Variants in AHI1 observed in about 807,000 individuals in gnomAD.
AHI1 encodes the protein jouberin.
A neutral mutation model predicts 149.3 loss-of-function variants in AHI1; 123 were observed. The observed-to-expected ratio is 0.82, with a 90% CI of 0.71 to 0.96. AHI1 has a LOEUF of 0.96. AHI1 is among the 40% of genes least tolerant of loss of function. The probability of loss-of-function intolerance (pLI) is 0.00; values close to 1 mark genes in which losing one functional copy is unlikely to be tolerated. For missense variants in AHI1, 1,439 were observed against 1,422.7 expected (o/e 1.01, Z -0.18); for synonymous variants, 475 against 459.8 (o/e 1.03, Z -0.42).
chr6:135,477,110 G>A lies in AHI1; in HGVS notation c.136-9476C>T, dbSNP rs1272440581. On this transcript the variant is annotated intron_variant, in intron 5 of 28. Coordinates refer to ENST00000265602, the MANE Select transcript of AHI1 (RefSeq NM_001134831.2). Reference sequence around the variant, plus strand: ...GGCTGGAGTGCAGTGGTGTGATCTCGGCTCACTGCAAGCTCCACCTCCCGG... The same window carrying A: ...GGCTGGAGTGCAGTGGTGTGATCTCAGCTCACTGCAAGCTCCACCTCCCGG... 4.0e-5 allele frequency among the ~76,000 whole-genome samples: 6 copies of A among 148,470 alleles called. 1 individual carries two copies. Among genetic ancestry groups the A allele is most frequent in the Non-Finnish European group, 8.9e-5 (6 of 67,166 alleles).
rs1481234264 is a variant in AHI1 at position 135,463,205 on chromosome 6, G to A, written c.851C>T (p.Ser284Leu). Residue 284 changes from serine to leucine, a missense_variant, in exon 8 of 29, where the codon TCA (serine) becomes TTA (leucine). Physicochemically the swap from Ser to Leu is moderately radical, Grantham distance 145 (BLOSUM62 -2). Coordinates refer to ENST00000265602, the MANE Select transcript of AHI1 (RefSeq NM_001134831.2). ...SDSHQDDEIS[S>L]MEQSTEDSMQ... ...GCTGTCTTCTGTGCTTTGTTCCATT[G>A]AGCTTATTTCATCATCTTGATGAGA... The A allele has an allele frequency of 6.2e-7, 1 of 1,608,130 alleles. No homozygotes were observed. Among genetic ancestry groups the A allele is most frequent in the Admixed American group, 1.7e-5 (1 of 59,508 alleles).
chr6:135,293,406 G>GAAAAAAAAAAAAA (rs71547029), intron 27 of AHI1, among the ~76,000 whole-genome samples: 55 of 65,556 alleles, frequency 8.4e-4, no homozygotes, highest in Middle Eastern at 8.2e-3. Flanking sequence ...AAAAAAAAAA[G>GAAAAAAAAAAAAA]AAAAAAAAAA....
chr6:135,488,725 C>T (rs867044461), intron 5 of AHI1, among the ~76,000 whole-genome samples: 1 of 152,228 alleles, frequency 6.6e-6, no homozygotes, highest in South Asian at 2.1e-4. Flanking sequence ...TTTTTCCTCG[C>T]TTAATTTTAT....
intron 25 of AHI1, among the ~76,000 whole-genome samples, chr6:135,319,289 A>G (rs546101104): frequency 1.3e-5 from 2 of 152,326 alleles, no homozygotes; most frequent in South Asian, 4.1e-4. Flanking sequence ...CAGCCTGGCC[A>G]ACATGGTGAA....
chr6:135,418,050 ACT>A (rs1206323176), intron 20 of AHI1, among the ~76,000 whole-genome samples: 1 of 151,906 alleles, frequency 6.6e-6, no homozygotes, highest in Admixed American at 6.6e-5. Context: ...TTTTGTCATT[ACT>A]TTTTGTGTTA....
chr6:135,460,291 T>C (rs1201746317), intron 8 of AHI1, among the ~76,000 whole-genome samples: 2 of 152,078 alleles, frequency 1.3e-5, no homozygotes, highest in South Asian at 2.1e-4. Context: ...CAGCAACAAA[T>C]ACAAAACAAA....
intron 25 of AHI1, among the ~76,000 whole-genome samples, chr6:135,321,000 A>G (rs1235856690): frequency 6.6e-6 from 1 of 152,230 alleles, no homozygotes; most frequent in Non-Finnish European, 1.5e-5. Flanking sequence ...CTACATGGGA[A>G]TTAACTTGCC....
In AHI1 at chr6:135,457,639, T is replaced by C; in HGVS notation, c.1006A>G (p.Lys336Glu). The C allele has an allele frequency of 6.2e-7, 1 of 1,613,992 alleles. No homozygotes were observed. The highest frequency in any genetic ancestry group is 8.5e-7 in the Non-Finnish European group (1 of 1,179,874). Residue 336 changes from lysine (K) to glutamate (E), a missense_variant, in exon 9 of 29, where the codon AAA (lysine) becomes GAA (glutamate). Coordinates refer to ENST00000265602, the MANE Select transcript of AHI1 (RefSeq NM_001134831.2). ...ACAAGGTCATCATCAAGCAAACATT[T>C]GGGATAAACCGGGCTATCTCGGCTT... is the stretch of plus-strand genomic sequence containing the variant. ...ITSRDSPVYP[K>E]CLLDDDLVLG...
intron 27 of AHI1, among the ~76,000 whole-genome samples, chr6:135,294,431 C>A (rs1374591647): frequency 6.6e-6 from 1 of 151,960 alleles, no homozygotes; most frequent in Admixed American, 6.5e-5. Context: ...ACTGCTTGAA[C>A]CCTGGAGGCA....
intron 13 of AHI1, 83 bp downstream of exon 13, chr6:135,446,905 TAGCAAGCATTTTAAGTAGTA>T (rs1787324546): frequency 1.6e-6 from 2 of 1,245,170 alleles, no homozygotes; most frequent in South Asian, 3.9e-5. Context: ...CAAGGATAAA[TAGCAAGCATTTTAAGTAGTA>T]AGCTAGATAT....
intron 5 of AHI1, among the ~76,000 whole-genome samples, chr6:135,468,424 C>T (rs1791150554): frequency 6.6e-6 from 1 of 152,086 alleles, no homozygotes; most frequent in East Asian, 1.9e-4. Flanking sequence ...ATCAATGAGG[C>T]TGGGCATGGT....
chr6:135,352,995 G>T (rs76245653), intron 24 of AHI1, among the ~76,000 whole-genome samples: 12,154 of 151,198 alleles, frequency 0.08, 1,561 homozygotes, highest in African/African-American at 0.27. Flanking sequence ...AGTTTTTCAG[G>T]TAGAAAAATT....
chr6:135,449,579 G>A (rs2128061940), intron 11 of AHI1, among the ~76,000 whole-genome samples: 1 of 152,214 alleles, frequency 6.6e-6, no homozygotes, highest in East Asian at 1.9e-4. Context: ...TTTAACAACT[G>A]TTACTTGTAG....
rs1794518256 is a variant in AHI1 at position 135,364,252 on chromosome 6, CG to C, written c.3110-6066del. ...GCAGAGACGCTCCTCACATCCTGGACGGGGCGGCAGGGCAGAGGTGCTCCCC... is the reference window on the plus strand; with the variant it reads ...GCAGAGACGCTCCTCACATCCTGGACGGGCGGCAGGGCAGAGGTGCTCCCC... On this transcript the variant is annotated intron_variant, in intron 23 of 28. Coordinates refer to ENST00000265602, the MANE Select transcript of AHI1 (RefSeq NM_001134831.2). Among the ~76,000 whole-genome samples, 3 of 150,578 alleles carry C rather than the reference CG, an allele frequency of 2.0e-5. 1 individual carries two copies. The highest frequency in any genetic ancestry group is 4.4e-5 in the Non-Finnish European group (3 of 67,664).
intron 5 of AHI1, among the ~76,000 whole-genome samples, chr6:135,473,607 C>T (rs540207601): frequency 8.1e-4 from 124 of 152,186 alleles, no homozygotes; most frequent in Non-Finnish European, 1.5e-3. Flanking sequence ...TGTCAGAGAA[C>T]GGACATTTGA....
At chr6:135,487,084 A>G (rs1297972665) in intron 5 of AHI1, among the ~76,000 whole-genome samples, 4 of 152,116 alleles carry the variant, frequency 2.6e-5, no homozygotes, top group Non-Finnish European at 5.9e-5. Context: ...TTAAAAGTCT[A>G]TTTTTGAACC....
At chr6:135,314,479 T>C (rs1282952314) in intron 26 of AHI1, among the ~76,000 whole-genome samples, 1 of 152,228 alleles carries the variant, frequency 6.6e-6, no homozygotes, top group Non-Finnish European at 1.5e-5. Flanking sequence ...GACAAGCATT[T>C]TCCTAAATTC....
intron 24 of AHI1, among the ~76,000 whole-genome samples, chr6:135,331,849 C>T (rs1788645655): frequency 6.6e-6 from 1 of 152,138 alleles, no homozygotes; most frequent in South Asian, 2.1e-4. Flanking sequence ...TATGCTTTCT[C>T]CTTGACTAAC....
intron 24 of AHI1, among the ~76,000 whole-genome samples, chr6:135,336,284 A>G (rs1288200945): frequency 6.6e-6 from 1 of 152,118 alleles, no homozygotes; most frequent in Admixed American, 6.5e-5. Flanking sequence ...TCACAGCACA[A>G]TTAATTTTTA....
Sources: gnomAD v4.1 joint callset for allele counts (sites outside exome capture counted in the v4.1 genomes callset) on GRCh38, gnomAD v4.1.1 for gene constraint, MANE v1.5 for transcripts, NCBI Gene and HGNC (gene_info 2026-07-23, HGNC 2026-07-21) for gene names.